The following GRAMD1A variants were observed in gnomAD, a reference collection of about 807,000 sequenced individuals.
GRAMD1A encodes GRAM domain containing 1A, also known as protein Aster-A.
In GRAMD1A, 50 loss-of-function variants were observed where a neutral mutation model predicts 92.0. The observed-to-expected ratio is 0.54, with a 90% CI of 0.43 to 0.69. The LOEUF (loss-of-function observed/expected upper bound fraction) is 0.69, where lower values mean the gene tolerates loss of function less well. GRAMD1A is among the 30% of genes least tolerant of loss of function. The pLI is 0.00. For missense variants in GRAMD1A, 819 were observed against 978.9 expected, an observed-to-expected ratio of 0.84 and a Z score of 2.18; for synonymous variants, 405 against 403.6, an observed-to-expected ratio of 1.00 and a Z score of -0.04.
At position 35,026,097 on chromosome 19, in the gene GRAMD1A, C is replaced by T; in HGVS notation, c.2131C>T (p.Pro711Ser). 6.2e-7 allele frequency: 1 copy of T among 1,606,794 alleles called. No homozygotes were observed. Among genetic ancestry groups the T allele is most frequent in the South Asian group, 1.1e-5 (1 of 90,924 alleles). The part of the protein sequence containing the change: ...KLHQGITVSD[P>S]PFDTQPRPDD... ...GCACCAAGGCATCACAGTCTCAGAC[C>T]CTCCCTTTGACACCCAGCCCCGGCC... The change falls in exon 20 of 20, where the codon CCT becomes TCT. Residue 711 changes from proline to serine, a missense_variant. This residue lies in a region of GRAMD1A where 577 missense variants were observed against 674.6 expected (regional missense o/e 0.86). Transcript: ENST00000317991.
At chr19:35,003,061 G>GGGGTGT (rs148550515) in intron 1 of GRAMD1A, among the ~76,000 whole-genome samples, 1 of 142,230 alleles carries the variant, frequency 7.0e-6, no homozygotes, top group Non-Finnish European at 1.5e-5. Flanking sequence ...CAATGCTGCA[G>GGGGTGT]GTGTGTGTGT....
intron 6 of GRAMD1A, among the ~76,000 whole-genome samples, chr19:35,011,064 T>C (rs1351670864): frequency 3.0e-5 from 4 of 135,492 alleles, no homozygotes; most frequent in African/African-American, 1.1e-4. Flanking sequence ...ATCATGCCAC[T>C]GCACTCCAGC....
intron 6 of GRAMD1A, chr19:35,010,707 G>T: frequency 1.9e-6 from 1 of 539,590 alleles, no homozygotes. Context: ...CCTCATGTCC[G>T]TTGGTTGCAA....
chr19:35,011,195 C>T (rs558067938), intron 6 of GRAMD1A, among the ~76,000 whole-genome samples: 2 of 152,238 alleles, frequency 1.3e-5, no homozygotes, highest in Admixed American at 6.5e-5. Flanking sequence ...ATCCCAGCCC[C>T]TCTGGGCTGA....
upstream of GRAMD1A, among the ~76,000 whole-genome samples, chr19:34,997,683 G>A (rs2014097583): frequency 6.6e-6 from 1 of 152,212 alleles, no homozygotes; most frequent in South Asian, 2.1e-4. Context: ...AAATGAAACA[G>A]AGGGAGCCTA....
At chr19:34,996,048 C>T (rs2014022131), upstream of GRAMD1A, 1 of 1,535,716 alleles carries the variant, frequency 6.5e-7, no homozygotes, top group Non-Finnish European at 8.7e-7. Flanking sequence ...CCCCTGATGC[C>T]TTGGGAGACC....
intron 11 of GRAMD1A, among the ~76,000 whole-genome samples, chr19:35,017,849 T>C (rs1490861017): frequency 1.3e-5 from 2 of 152,222 alleles, no homozygotes; most frequent in African/African-American, 2.4e-5. Context: ...TTTTTATTTA[T>C]AGATATTTCC....
Position 35,000,663 on chromosome 19 carries a change from G to C in GRAMD1A, c.8+177G>C, listed in dbSNP as rs1234665703. Among the ~76,000 whole-genome samples, 1 of 151,806 alleles carries C rather than the reference G, an allele frequency of 6.6e-6. No individual in the cohort carries two copies. Among genetic ancestry groups the C allele is most frequent in the Non-Finnish European group, 1.5e-5 (1 of 67,882 alleles). ...GGCGGGGCAGGGGGCCCCCGGGCGAGGGGTGCAGCTGGGGAGTGGGGCGCG... is the reference window on the plus strand; with the variant it reads ...GGCGGGGCAGGGGGCCCCCGGGCGACGGGTGCAGCTGGGGAGTGGGGCGCG... On this transcript the variant is annotated intron_variant, in intron 1 of 19. Transcript: ENST00000317991. The surrounding 1 kb of genome is among the most constrained non-coding windows in gnomAD (Gnocchi z 4.9).
Position 35,011,545 on chromosome 19 carries a change from G to T in GRAMD1A, c.597G>T (p.Leu199=), listed in dbSNP as rs868605974. ...TCTTCCGCCTCTGGCAGAATGCACT[G>T]CTTGAAAAGGTGGGCCTGGGTGAGG... ...LLIFRLWQNA[L]LEKTLSPREL... Residue 199 remains leucine (L), a synonymous_variant, in exon 7 of 20, where the codon CTG becomes CTT. Coordinates refer to ENST00000317991, the MANE Select transcript of GRAMD1A (RefSeq NM_020895.5). 6.2e-7 allele frequency: 1 copy of T among 1,610,122 alleles called. No individual in the cohort carries two copies.
At chr19:34,995,235 T>C (rs898395096) in intron 1 of GRAMD1A, among the ~76,000 whole-genome samples, 5 of 152,206 alleles carry the variant, frequency 3.3e-5, no homozygotes, top group Non-Finnish European at 4.4e-5. Context: ...TTCCTGACCC[T>C]TTGTGTGGAA....
Position 35,019,314 on chromosome 19 carries a change from G to A in GRAMD1A, c.1332+5G>A. The A allele has an allele frequency of 1.2e-6, 2 of 1,612,080 alleles. No homozygotes were observed. The highest frequency in any genetic ancestry group is 1.7e-6 in the Non-Finnish European group (2 of 1,178,818). ...GCCTCCGTGGTGGAGACACAGGTGG[G>A]CCAGGTGGGGCAGCCGAGTGGGTGG... On this transcript the variant is annotated splice_donor_5th_base_variant and intron_variant, in intron 12 of 19. Coordinates refer to ENST00000317991, the MANE Select transcript of GRAMD1A (RefSeq NM_020895.5).
At chr19:35,010,418 G>A (rs746162956) in intron 6 of GRAMD1A, 39 bp downstream of exon 6, 92 of 1,339,044 alleles carry the variant, frequency 6.9e-5, no homozygotes, top group Non-Finnish European at 8.5e-5. Flanking sequence ...GCGGTCCCCC[G>A]CTCAGCAGGC....
At chr19:35,015,734 C>G (rs2015573446) in intron 10 of GRAMD1A, 90 bp from the exon 11 acceptor site, 1 of 1,300,466 alleles carries the variant, frequency 7.7e-7, no homozygotes, top group Non-Finnish European at 1.1e-6. Flanking sequence ...CGCCCATGCA[C>G]ACTACAAGGC....
chr19:34,996,844 C>A (rs2014058505), upstream of GRAMD1A, among the ~76,000 whole-genome samples: 1 of 151,910 alleles, frequency 6.6e-6, no homozygotes, highest in Non-Finnish European at 1.5e-5. Flanking sequence ...GGAGAGGGAC[C>A]CCACCCAGTG....
intron 6 of GRAMD1A, chr19:35,010,667 C>T (rs199889766): frequency 7.5e-5 from 44 of 586,598 alleles, no homozygotes; most frequent in Non-Finnish European, 1.1e-4. Context: ...TAAGTCTCCC[C>T]GATGTTGTGT....
At chr19:35,003,523 C>T (rs1253379221) in intron 1 of GRAMD1A, among the ~76,000 whole-genome samples, 2 of 152,234 alleles carry the variant, frequency 1.3e-5, no homozygotes, top group Non-Finnish European at 2.9e-5. Context: ...AAACTGGGGG[C>T]GTGGTCCCTG....
chr19:34,998,598 T>A, upstream of GRAMD1A: 1 of 152,106 alleles, frequency 6.6e-6, no homozygotes, highest in African/African-American at 2.4e-5. Context: ...CCAACGCGCC[T>A]GACCTGAAAT....
chr19:34,999,114 G>C (rs2014171734), upstream of GRAMD1A, among the ~76,000 whole-genome samples: 1 of 152,166 alleles, frequency 6.6e-6, no homozygotes, highest in Non-Finnish European at 1.5e-5. Flanking sequence ...AGGGATGGGA[G>C]CAGGGAGATC....
At chr19:35,004,285 TA>T (rs997225790) in intron 1 of GRAMD1A, among the ~76,000 whole-genome samples, 2 of 151,742 alleles carry the variant, frequency 1.3e-5, no homozygotes, top group Admixed American at 6.6e-5. Flanking sequence ...ACCGTGTCTC[TA>T]AAAAAAATTT....
Sources: gnomAD v4.1 joint callset for allele counts (sites outside exome capture counted in the v4.1 genomes callset) on GRCh38, gnomAD v4.1.1 for gene constraint, gnomAD v4.1.1 regional missense constraint, Gnocchi (gnomAD v3.1) non-coding constraint, MANE v1.5 for transcripts, NCBI Gene and HGNC (gene_info 2026-07-23, HGNC 2026-07-21) for gene names.